Variants in ABI1 observed in about 807,000 individuals in gnomAD.
The protein encoded by ABI1 is Abelson interactor 1.
A neutral mutation model predicts 54.6 loss-of-function variants in ABI1; 14 were observed. The ratio of observed to expected loss-of-function variants is 0.26; its 90% CI spans 0.17 to 0.40. ABI1 has a LOEUF of 0.40. Ranked by LOEUF, ABI1 falls within the 10% of genes least tolerant of loss-of-function variation. The pLI is 1.00. For synonymous variants in ABI1, 194 were observed against 209.3 expected (o/e 0.93, Z 0.63); for missense variants, 443 against 598.3 (o/e 0.74, Z 2.71).
chr10:26,821,865 T>C (rs111591835), intron 2 of ABI1, among the ~76,000 whole-genome samples: 2,485 of 151,208 alleles, frequency 0.016, 23 homozygotes, highest in Non-Finnish European at 0.025. Flanking sequence ...TCTGTCAATT[T>C]AGGTGAAATA....
intron 2 of ABI1, among the ~76,000 whole-genome samples, chr10:26,796,127 A>G (rs923157090): frequency 6.6e-6 from 1 of 152,120 alleles, no homozygotes; most frequent in African/African-American, 2.4e-5. Context: ...ACAGAAATAG[A>G]GAATGAAACA....
intron 10 of ABI1, 69 bp from the exon 11 acceptor site, chr10:26,748,814 AAGAC>A: frequency 8.7e-7 from 1 of 1,143,858 alleles, no homozygotes; most frequent in Non-Finnish European, 1.2e-6. Flanking sequence ...TTTTAAGACA[AAGAC>A]AATTAAATAT....
chr10:26,762,539 G>A (rs1034826210), intron 7 of ABI1, among the ~76,000 whole-genome samples: 10 of 152,140 alleles, frequency 6.6e-5, no homozygotes, highest in African/African-American at 2.4e-4. Context: ...GCCTTTTGTT[G>A]ACATGGGTTA....
chr10:26,784,002 G>A (rs1588866402), intron 2 of ABI1, among the ~76,000 whole-genome samples: 2 of 152,084 alleles, frequency 1.3e-5, no homozygotes, highest in East Asian at 1.9e-4. Context: ...TGATTTTGTG[G>A]CAGTCAAAGG....
At chr10:26,756,752 G>A (rs1838367780) in intron 8 of ABI1, among the ~76,000 whole-genome samples, 2 of 152,012 alleles carry the variant, frequency 1.3e-5, no homozygotes, top group South Asian at 2.1e-4. Context: ...TTAGTCTATC[G>A]GTAGTCACCA....
intron 2 of ABI1, among the ~76,000 whole-genome samples, chr10:26,805,820 G>C (rs1186754033): frequency 1.3e-5 from 2 of 152,148 alleles, no homozygotes; most frequent in Admixed American, 1.3e-4. Context: ...GCACCCAGCA[G>C]ATACAAGAAG....
Position 26,770,246 on chromosome 10 carries a change from C to T in ABI1, c.577G>A (p.Gly193Arg). 1.2e-6 allele frequency: 2 copies of T among 1,612,930 alleles called. No individual in the cohort carries two copies. The highest frequency in any genetic ancestry group is 1.7e-6 in the Non-Finnish European group (2 of 1,178,956). Residue 193 changes from glycine (G) to arginine (R), a missense_variant and splice_region_variant, in exon 5 of 11, where the codon GGA (glycine) becomes AGA (arginine). Gly to Arg is a moderately radical substitution (Grantham distance 125). Around this residue, in one of 2 missense-constraint regions of ABI1, gnomAD observed 394 missense variants for 484.8 expected, o/e 0.81. Coordinates refer to ENST00000376140, the MANE Select transcript of ABI1 (RefSeq NM_001012750.3). ...TGCAAAATGTAGTTGAATTCTTACC[C>T]CAGTGTTCCCCGGCCTGACATGGGA... is the stretch of plus-strand genomic sequence containing the variant. ...SPPMSGRGTL[G>R]RNTPYKTLEP...
intron 2 of ABI1, among the ~76,000 whole-genome samples, chr10:26,779,977 C>T (rs988935748): frequency 3.9e-5 from 6 of 152,200 alleles, no homozygotes; most frequent in Middle Eastern, 3.4e-3. Flanking sequence ...AGTCCTGCAG[C>T]CTTAGAAAAC....
chr10:26,761,661 T>TATATATATATATACACACAC (rs1375832167), intron 7 of ABI1, among the ~76,000 whole-genome samples: 10 of 78,932 alleles, frequency 1.3e-4, no homozygotes, highest in African/African-American at 3.6e-4. Flanking sequence ...TATATATATA[T>TATATATATATATACACACAC]ACACACACAC....
intron 8 of ABI1, among the ~76,000 whole-genome samples, chr10:26,756,505 C>T (rs868755915): frequency 4.6e-5 from 7 of 152,110 alleles, no homozygotes; most frequent in South Asian, 4.1e-4. Flanking sequence ...AGTTAAAATA[C>T]GTAGTTCTTT....
chr10:26,814,741 G>A (rs1291119654), intron 2 of ABI1, among the ~76,000 whole-genome samples: 1 of 151,944 alleles, frequency 6.6e-6, no homozygotes, highest in Non-Finnish European at 1.5e-5. Context: ...GAAAAATGGG[G>A]GATAAAATTG....
intron 2 of ABI1, among the ~76,000 whole-genome samples, chr10:26,785,831 C>T (rs891573686): frequency 2.0e-5 from 3 of 152,116 alleles, no homozygotes; most frequent in Admixed American, 6.5e-5. Flanking sequence ...TGGTCCCTCT[C>T]CTGTAACAGA....
intron 6 of ABI1, among the ~76,000 whole-genome samples, chr10:26,766,772 A>G (rs914784367): frequency 1.3e-5 from 2 of 152,188 alleles, no homozygotes; most frequent in Non-Finnish European, 2.9e-5. Flanking sequence ...CCTGATTTTT[A>G]CTACCTGTGA....
chr10:26,856,201 G>C (rs983807187), intron 1 of ABI1, among the ~76,000 whole-genome samples: 1 of 146,898 alleles, frequency 6.8e-6, no homozygotes, highest in Non-Finnish European at 1.5e-5. Flanking sequence ...CAGGAGAATT[G>C]CTTGGAGGTT....
intron 7 of ABI1, among the ~76,000 whole-genome samples, chr10:26,762,733 C>A (rs749841461): frequency 6.6e-6 from 1 of 152,156 alleles, no homozygotes; most frequent in Non-Finnish European, 1.5e-5. Flanking sequence ...ATGAATAGAG[C>A]TCTGACCTCA....
At chr10:26,857,807 C>T (rs933358344) in intron 1 of ABI1, among the ~76,000 whole-genome samples, 7 of 148,444 alleles carry the variant, frequency 4.7e-5, no homozygotes, top group Non-Finnish European at 1.0e-4. Flanking sequence ...GGTGTTCACA[C>T]ACCACTGCAC....
At position 26,771,099 on chromosome 10, in the gene ABI1, G is replaced by A. The variant is rs771157554; in HGVS notation, c.463-10C>T. ...CCTTGGCTTTTAGCCACTTTACGTTGGCAAAAAAAGGGGGGGAAAAAGTAG... is the reference window on the plus strand; with the variant it reads ...CCTTGGCTTTTAGCCACTTTACGTTAGCAAAAAAAGGGGGGGAAAAAGTAG... On this transcript the variant is annotated splice_polypyrimidine_tract_variant and intron_variant, in intron 3 of 10. Transcript: ENST00000376140. The A allele has an allele frequency of 6.2e-7, 1 of 1,612,944 alleles. No individual in the cohort carries two copies. Among genetic ancestry groups the A allele is most frequent in the Non-Finnish European group, 8.5e-7 (1 of 1,179,466 alleles).
chr10:26,839,850 A>G (rs2049362042), intron 1 of ABI1: 1 of 692,182 alleles, frequency 1.4e-6, no homozygotes, highest in East Asian at 2.7e-5. Flanking sequence ...AGATGGCAAA[A>G]ATGGTAGCAC....
intron 2 of ABI1, among the ~76,000 whole-genome samples, chr10:26,783,591 C>T (rs150216871): frequency 3.3e-4 from 51 of 152,324 alleles, no homozygotes; most frequent in African/African-American, 1.2e-3. Flanking sequence ...CATCTCCTGG[C>T]CACTTGGGAT....
Sources: gnomAD v4.1 joint callset for allele counts (sites outside exome capture counted in the v4.1 genomes callset) on GRCh38, gnomAD v4.1.1 for gene constraint, gnomAD v4.1.1 regional missense constraint, MANE v1.5 for transcripts, NCBI Gene and HGNC (gene_info 2026-07-23, HGNC 2026-07-21) for gene names.